Variants in PELI1 observed in about 807,000 individuals in gnomAD.
The protein encoded by PELI1 is E3 ubiquitin-protein ligase pellino homolog 1.
PELI1 carries 15 observed loss-of-function variants against 41.3 expected under a neutral mutation model. That is an observed-to-expected ratio of 0.36 (90% CI 0.24 to 0.56). The LOEUF (loss-of-function observed/expected upper bound fraction) is 0.56. Ranked by LOEUF, PELI1 falls within the 20% of genes least tolerant of loss-of-function variation. PELI1 has a pLI of 0.82. For synonymous variants in PELI1, 178 were observed against 180.1 expected (o/e 0.99, Z 0.09); for missense variants, 403 against 525.5 (o/e 0.77, Z 2.28).
chr2:64,120,940 C>G (rs1681188443), intron 1 of PELI1, among the ~76,000 whole-genome samples: 1 of 152,152 alleles, frequency 6.6e-6, no homozygotes, highest in Non-Finnish European at 1.5e-5. Context: ...AACTTAATGC[C>G]TTGGCACAAA....
intron 4 of PELI1, among the ~76,000 whole-genome samples, chr2:64,099,201 C>CACACACACAT (rs765141638): frequency 6.7e-6 from 1 of 149,480 alleles, no homozygotes; most frequent in Non-Finnish European, 1.5e-5. Context: ...CACACACACA[C>CACACACACAT]ATATATATTT....
At chr2:64,110,271 A>G (rs1490782728) in intron 1 of PELI1, among the ~76,000 whole-genome samples, 1 of 151,282 alleles carries the variant, frequency 6.6e-6, no homozygotes, top group Non-Finnish European at 1.5e-5. Context: ...AAAAAAAAGA[A>G]AAAATATCCT....
chr2:64,104,072 G>T (rs1680535613), intron 3 of PELI1, among the ~76,000 whole-genome samples: 1 of 152,128 alleles, frequency 6.6e-6, no homozygotes, highest in Admixed American at 6.5e-5. Context: ...AATACAAGGG[G>T]GCTAGAAGCA....
rs369435508 is a variant in PELI1, at chr2:64,137,230, T to C, written c.-70+6851A>G. Among the ~76,000 whole-genome samples the C allele has an allele frequency of 2.2e-4, 34 of 152,304 alleles. No homozygotes were observed. The East Asian group carries it at 6.4e-3, about 29-fold the overall frequency. ...AAACAGTTCTTATGGTAAATCAGAATGTTCTCAAAACAACTACTAATCTGA... is the reference window on the plus strand; with the variant it reads ...AAACAGTTCTTATGGTAAATCAGAACGTTCTCAAAACAACTACTAATCTGA... On this transcript the variant is annotated intron_variant, in intron 1 of 6. Coordinates refer to ENST00000358912, the MANE Select transcript of PELI1 (RefSeq NM_020651.4).
At position 64,128,285 on chromosome 2, in the gene PELI1, T is replaced by C. The variant is rs866696151; in HGVS notation, c.-70+15796A>G. The stretch of plus-strand genomic sequence containing the variant: ...AGGAGACTAATATGAAATGTTCCTA[T>C]CTTAAAAGGAGCTAATGGAATTAGA... On this transcript the variant is annotated intron_variant, in intron 1 of 6. Transcript: ENST00000358912. Among the ~76,000 whole-genome samples the C allele has an allele frequency of 3.3e-5, 5 of 152,274 alleles. 1 individual carries two copies. In the Middle Eastern group the frequency reaches 0.017, roughly 518 times the overall value.
intron 6 of PELI1, 22 bp downstream of exon 6, chr2:64,096,103 G>A (rs1460524000): frequency 6.4e-7 from 1 of 1,562,648 alleles, no homozygotes; most frequent in Non-Finnish European, 8.8e-7. Context: ...AGCTAATTAA[G>A]AAAATACCAT....
chr2:64,103,803 TATA>T (rs1680528096), intron 3 of PELI1, among the ~76,000 whole-genome samples: 1 of 152,220 alleles, frequency 6.6e-6, no homozygotes, highest in Non-Finnish European at 1.5e-5. Flanking sequence ...CTTCAGATGG[TATA>T]ATATTAATGT....
At chr2:64,116,734 G>T (rs1233585644) in intron 1 of PELI1, among the ~76,000 whole-genome samples, 1 of 152,162 alleles carries the variant, frequency 6.6e-6, no homozygotes, top group South Asian at 2.1e-4. Context: ...AGGCACATCT[G>T]GTTTTATTGC....
At chr2:64,131,553 C>T (rs1184858979) in intron 1 of PELI1, among the ~76,000 whole-genome samples, 4 of 151,748 alleles carry the variant, frequency 2.6e-5, no homozygotes, top group Non-Finnish European at 5.9e-5. Context: ...CAACTGTACT[C>T]GAGAAACAAA....
rs937055106 is a variant in PELI1 at position 64,093,472 on chromosome 2, CTT to C, written c.*1228_*1229del. On this transcript the variant is annotated 3_prime_UTR_variant, in exon 7 of 7. Coordinates refer to ENST00000358912, the MANE Select transcript of PELI1 (RefSeq NM_020651.4). The stretch of plus-strand genomic sequence containing the variant: ...GGTGGGAAGGAGGGGAGAGAAGAAA[CTT>C]TTCTTGCTTCTGGAAGCAAAAGACA... The C allele has an allele frequency of 6.6e-6, 1 of 152,590 alleles. No homozygotes were observed. Among genetic ancestry groups the C allele is most frequent in the African/African-American group, 2.4e-5 (1 of 41,448 alleles). 9.5% of individuals were successfully genotyped at this position (152,590 alleles called of 1,614,324 possible). A position where few individuals can be genotyped will look rare whatever the true frequency, so the allele number is the denominator to read the frequency against.
chr2:64,127,067 T>C (rs753406516), intron 1 of PELI1, among the ~76,000 whole-genome samples: 1 of 152,188 alleles, frequency 6.6e-6, no homozygotes, highest in Non-Finnish European at 1.5e-5. Flanking sequence ...AAGAAAAATC[T>C]CTTTATACTC....
At chr2:64,133,763 T>G (rs1045334962) in intron 1 of PELI1, among the ~76,000 whole-genome samples, 1 of 152,050 alleles carries the variant, frequency 6.6e-6, no homozygotes, top group Non-Finnish European at 1.5e-5. Context: ...AAAATCCTTT[T>G]CATGTAATAG....
chr2:64,140,313 A>T (rs1157572409), intron 1 of PELI1, among the ~76,000 whole-genome samples: 1 of 152,248 alleles, frequency 6.6e-6, no homozygotes, highest in Non-Finnish European at 1.5e-5. Context: ...AGGCATCAGC[A>T]ACACATTCTA....
rs754131721 is a variant in PELI1 at position 64,108,237 on chromosome 2, T to A, written c.71+3A>T. On this transcript the variant is annotated splice_donor_region_variant and intron_variant, in intron 2 of 6. Transcript: ENST00000358912. ...TGTGTGTCATCAAATGGAGAAACCTTACCCTAAGACAATGAGTTCACCATA... is the reference window on the plus strand; with the variant it reads ...TGTGTGTCATCAAATGGAGAAACCTAACCCTAAGACAATGAGTTCACCATA... The A allele has an allele frequency of 2.0e-6, 3 of 1,524,610 alleles. No individual in the cohort carries two copies. In the South Asian group the frequency reaches 3.4e-5, roughly 17 times the overall value. 94.4% of individuals were successfully genotyped at this position (1,524,610 alleles called of 1,614,324 possible).
At chr2:64,116,154 T>G (rs868170784) in intron 1 of PELI1, among the ~76,000 whole-genome samples, 1 of 152,300 alleles carries the variant, frequency 6.6e-6, no homozygotes, top group South Asian at 2.1e-4. Flanking sequence ...TGCTCCCTGA[T>G]TGTGGAAGGA....
chr2:64,137,510 G>A (rs1056502353), intron 1 of PELI1, among the ~76,000 whole-genome samples: 10 of 152,022 alleles, frequency 6.6e-5, no homozygotes, highest in African/African-American at 2.4e-4. Flanking sequence ...CGCATTTTGT[G>A]AGACCTTAAA....
intron 2 of PELI1, among the ~76,000 whole-genome samples, chr2:64,105,316 T>C (rs191978957): frequency 3.9e-4 from 59 of 152,348 alleles, no homozygotes; most frequent in Admixed American, 2.2e-3. Flanking sequence ...AAGTCTTAGC[T>C]ACCTGAATGT....
At chr2:64,108,157 A>C (rs1271985854) in intron 2 of PELI1, 83 bp downstream of exon 2, 6 of 534,712 alleles carry the variant, frequency 1.1e-5, no homozygotes, top group African/African-American at 2.0e-5. Context: ...TATAAATTCC[A>C]AAAAAAAAAG....
At chr2:64,107,050 T>C (rs1680645193) in intron 2 of PELI1, among the ~76,000 whole-genome samples, 1 of 152,166 alleles carries the variant, frequency 6.6e-6, no homozygotes, top group Non-Finnish European at 1.5e-5. Flanking sequence ...TGCCCCAGCC[T>C]CCCAAGTAGC....
Sources: gnomAD v4.1 joint callset for allele counts (sites outside exome capture counted in the v4.1 genomes callset) on GRCh38, gnomAD v4.1.1 for gene constraint, MANE v1.5 for transcripts, NCBI Gene and HGNC (gene_info 2026-07-23, HGNC 2026-07-21) for gene names.